Variants in USP24 observed in about 807,000 individuals in gnomAD.
USP24 encodes ubiquitin carboxyl-terminal hydrolase 24.
Under a neutral mutation model 361.6 loss-of-function variants are expected in USP24, and 97 were observed. The observed-to-expected ratio is 0.27, with a 90% CI of 0.23 to 0.32. USP24 has a LOEUF of 0.32. USP24 is among the 10% of genes least tolerant of loss of function. The pLI is 1.00. For missense variants in USP24, 2,353 were observed against 3,165.6 expected, an observed-to-expected ratio of 0.74 and a Z score of 6.16; for synonymous variants, 1,098 against 1,124.6, an observed-to-expected ratio of 0.98 and a Z score of 0.47.
intron 60 of USP24, among the ~76,000 whole-genome samples, chr1:55,078,988 G>T (rs1645086028): frequency 6.7e-6 from 1 of 149,214 alleles, no homozygotes; most frequent in African/African-American, 2.5e-5. Flanking sequence ...GCACAACACT[G>T]TTAATTTAAA....
At chr1:55,080,006 T>C (rs1317075058) in intron 59 of USP24, among the ~76,000 whole-genome samples, 1 of 152,042 alleles carries the variant, frequency 6.6e-6, no homozygotes, top group African/African-American at 2.4e-5. Context: ...TGATTCCCAC[T>C]CCATAATCTT....
Position 55,095,263 on chromosome 1 carries a change from A to AT in USP24, c.6194dup (p.Asp2065GlufsTer22). 1 of 1,613,648 alleles carries AT rather than the reference A, an allele frequency of 6.2e-7. No individual in the cohort carries two copies. Among genetic ancestry groups the AT allele is most frequent in the Non-Finnish European group, 8.5e-7 (1 of 1,179,766 alleles). On this transcript the variant is annotated frameshift_variant, in exon 51 of 68. Transcript: ENST00000294383. LOFTEE classifies it high-confidence loss of function. Reference sequence around the variant, plus strand: ...ATGGAAGAGACACTTACAGAGAGAGATCCTCAGCTTCCTGCCGTACAACGC... The same window carrying AT: ...ATGGAAGAGACACTTACAGAGAGAGATTCCTCAGCTTCCTGCCGTACAACGC...
At chr1:55,138,830 C>T (rs1046955776) in intron 25 of USP24, 112 bp from the exon 26 acceptor site, 10 of 1,317,496 alleles carry the variant, frequency 7.6e-6, no homozygotes, top group Non-Finnish European at 1.1e-5. Flanking sequence ...AAAAGAGAGG[C>T]TAACTGGGTG....
intron 1 of USP24, among the ~76,000 whole-genome samples, chr1:55,199,624 A>T (rs1200615067): frequency 6.8e-5 from 10 of 145,990 alleles, no homozygotes; most frequent in African/African-American, 2.3e-4. Flanking sequence ...TGTGTGTGTG[A>T]GAGAGAGAGA....
At chr1:55,119,988 C>T (rs1387357265) in intron 38 of USP24, among the ~76,000 whole-genome samples, 1 of 152,084 alleles carries the variant, frequency 6.6e-6, no homozygotes, top group Non-Finnish European at 1.5e-5. Flanking sequence ...TTATAAGCCC[C>T]ACAGTAGGGG....
chr1:55,144,641 A>T (rs1355915292), intron 20 of USP24, among the ~76,000 whole-genome samples: 1 of 152,170 alleles, frequency 6.6e-6, no homozygotes, highest in African/African-American at 2.4e-5. Context: ...GCACATTAAA[A>T]CCATTAGATT....
chr1:55,079,420 C>G, intron 60 of USP24, 118 bp downstream of exon 60: 1 of 1,365,070 alleles, frequency 7.3e-7, no homozygotes, highest in South Asian at 1.5e-5. Context: ...TATAAGAAAA[C>G]TTAATTTGAA....
rs866912905 is a variant in USP24 at position 55,120,749 on chromosome 1, C to T, written c.4355G>A (p.Arg1452Gln). ...AGTGTACAGCTGATCACAGGCAACC[C>T]GGCGAATCTGAAATTACATGATCAG... ...LLGSPSAEIR[R>Q]VACDQLYTLS... Residue 1452 changes from arginine (R) to glutamine (Q), a missense_variant, in exon 38 of 68, where the codon CGG (arginine) becomes CAG (glutamine). Physicochemically the swap from Arg to Gln is conservative, Grantham distance 43 (BLOSUM62 1). This residue lies in a region of USP24 where 949 missense variants were observed against 1,280.5 expected (regional missense o/e 0.74). Coordinates refer to ENST00000294383, the MANE Select transcript of USP24 (RefSeq NM_015306.3). 36 of 1,565,290 alleles carry T rather than the reference C, an allele frequency of 2.3e-5. No homozygotes were observed. The highest frequency in any genetic ancestry group is 2.7e-5 in the Non-Finnish European group (31 of 1,154,926).
intron 1 of USP24, among the ~76,000 whole-genome samples, chr1:55,190,503 T>C (rs544589957): frequency 2.6e-5 from 4 of 152,336 alleles, no homozygotes; most frequent in Admixed American, 1.3e-4. Context: ...ATCGTTCTAT[T>C]GCAAAATGTC....
chr1:55,119,048 G>T (rs964188257), intron 38 of USP24, among the ~76,000 whole-genome samples: 1 of 152,182 alleles, frequency 6.6e-6, no homozygotes, highest in Non-Finnish European at 1.5e-5. Flanking sequence ...ATTACTAAAT[G>T]ATCTAGCAAT....
At chr1:55,095,716 A>G (rs1208062013) in intron 50 of USP24, among the ~76,000 whole-genome samples, 1 of 152,210 alleles carries the variant, frequency 6.6e-6, no homozygotes, top group Non-Finnish European at 1.5e-5. Flanking sequence ...ATAGCAAGTG[A>G]CATTTAAAAA....
At chr1:55,146,492 G>A (rs1647032725) in intron 19 of USP24, among the ~76,000 whole-genome samples, 1 of 152,174 alleles carries the variant, frequency 6.6e-6, no homozygotes. Flanking sequence ...AAAATGTCAA[G>A]GCAGGTGTTC....
At chr1:55,154,523 A>G in intron 13 of USP24, 57 bp from the exon 14 acceptor site, 1 of 1,525,422 alleles carries the variant, frequency 6.6e-7, no homozygotes. Flanking sequence ...AAAATATGCA[A>G]AAATTTTAAA....
Position 55,106,246 on chromosome 1 carries a change from G to A in USP24, c.4780C>T (p.Pro1594Ser). 1.2e-6 allele frequency: 2 copies of A among 1,610,898 alleles called. No individual in the cohort carries two copies. Among genetic ancestry groups the A allele is most frequent in the Non-Finnish European group, 1.7e-6 (2 of 1,177,110 alleles). ...KEMLGSSLIK[P>S]LLDDFLFRAS... is the part of the protein sequence containing the mutation. ...CGGAAAAGGAAGTCATCTAACAATG[G>A]TTTAATGAGTGATGAACCTGGAATA... Residue 1594 changes from proline to serine, a missense_variant, in exon 41 of 68, where the codon CCA (proline) becomes TCA (serine). Coordinates refer to ENST00000294383, the MANE Select transcript of USP24 (RefSeq NM_015306.3).
Position 55,083,315 on chromosome 1 carries a change from T to A in USP24, c.6932A>T (p.His2311Leu). The change falls in exon 58 of 68, where the codon CAC becomes CTC. Residue 2311 changes from histidine (H) to leucine (L), a missense_variant. His to Leu is a moderately conservative substitution (Grantham distance 99). Transcript: ENST00000294383. The part of the protein sequence containing the change: ...DLLLRHSALR[H>L]MISFLLGASR... ...GGCCCCTAGGAGGAAGCTGATCATG[T>A]GCCGCAGAGCTGAATGCCTCAGAAG... 6.2e-7 allele frequency: 1 copy of A among 1,613,822 alleles called. No homozygotes were observed. The highest frequency in any genetic ancestry group is 8.5e-7 in the Non-Finnish European group (1 of 1,179,744).
At chr1:55,138,881 G>C in intron 25 of USP24, 63 bp downstream of exon 25, 1 of 1,534,650 alleles carries the variant, frequency 6.5e-7, no homozygotes, top group East Asian at 2.3e-5. Context: ...GAAAGGCTGA[G>C]GTGGGAAGAT....
intron 38 of USP24, among the ~76,000 whole-genome samples, chr1:55,111,392 A>T (rs1645948061): frequency 6.6e-6 from 1 of 152,050 alleles, no homozygotes; most frequent in Non-Finnish European, 1.5e-5. Context: ...CTTAATATTA[A>T]ATAAAAAACA....
At chr1:55,073,755 T>G in intron 64 of USP24, 73 bp downstream of exon 64, 1 of 1,399,906 alleles carries the variant, frequency 7.1e-7, no homozygotes, top group Non-Finnish European at 9.9e-7. Context: ...ACCGGGCACA[T>G]GTTCCCCTTC....
chr1:55,110,100 G>A lies in USP24; in HGVS notation c.4570+85C>T. 2 of 1,167,690 alleles carry A rather than the reference G, an allele frequency of 1.7e-6. 1 individual carries two copies. The highest frequency in any genetic ancestry group is 5.3e-5 in the East Asian group (2 of 37,482). The allele number at this position is 1,167,690 out of a possible 1,614,324, so 72.3% of individuals were successfully genotyped here. On this transcript the variant is annotated intron_variant, in intron 39 of 67. Coordinates refer to ENST00000294383, the MANE Select transcript of USP24 (RefSeq NM_015306.3). Reference sequence around the variant, plus strand: ...GTAATTGTATTTACACCTGAGATATGTAAATCATATTTAGAAATGTCCGTG... The same window carrying A: ...GTAATTGTATTTACACCTGAGATATATAAATCATATTTAGAAATGTCCGTG...
Sources: gnomAD v4.1 joint callset for allele counts (sites outside exome capture counted in the v4.1 genomes callset) on GRCh38, gnomAD v4.1.1 for gene constraint, gnomAD v4.1.1 regional missense constraint, MANE v1.5 for transcripts, NCBI Gene and HGNC (gene_info 2026-07-23, HGNC 2026-07-21) for gene names.